DLG1: variants seen among roughly 807,000 people sequenced by gnomAD.
DLG1 encodes the protein discs large MAGUK scaffold protein 1.
A neutral mutation model predicts 123.4 loss-of-function variants in DLG1; 42 were observed. The observed-to-expected ratio is 0.34, with a 90% CI of 0.27 to 0.44. The LOEUF (loss-of-function observed/expected upper bound fraction) is 0.44. DLG1 is among the 20% of genes least tolerant of loss of function. The pLI is 1.00. For missense variants in DLG1, 942 were observed against 1,082.6 expected (o/e 0.87, Z 1.82); for synonymous variants, 317 against 356.2 (o/e 0.89, Z 1.24).
chr3:197,256,107 C>T (rs1433340412), intron 4 of DLG1, among the ~76,000 whole-genome samples: 1 of 152,152 alleles, frequency 6.6e-6, no homozygotes, highest in Non-Finnish European at 1.5e-5. Context: ...CTTTATTTGG[C>T]ATTCTATGTG....
chr3:197,197,737 G>A (rs1034135234), intron 4 of DLG1, among the ~76,000 whole-genome samples: 1 of 152,154 alleles, frequency 6.6e-6, no homozygotes, highest in Non-Finnish European at 1.5e-5. Flanking sequence ...CACACCTCCT[G>A]ATTTTGAAAC....
At chr3:197,243,749 T>C (rs1750176419) in intron 4 of DLG1, among the ~76,000 whole-genome samples, 1 of 152,208 alleles carries the variant, frequency 6.6e-6, no homozygotes, top group Non-Finnish European at 1.5e-5. Flanking sequence ...ATATAATTTA[T>C]CCAATCTACA....
chr3:197,095,840 G>A (rs976172579), intron 14 of DLG1, among the ~76,000 whole-genome samples: 1 of 152,114 alleles, frequency 6.6e-6, no homozygotes, highest in African/African-American at 2.4e-5. Context: ...TGAATGCTGA[G>A]ATTGCTCCTG....
chr3:197,066,883 T>C, intron 19 of DLG1, 129 bp from the exon 20 acceptor site: 1 of 545,532 alleles, frequency 1.8e-6, no homozygotes. Context: ...AAGAGGTACT[T>C]TATGGCAAGA....
chr3:197,098,643 T>C (rs1234294080), intron 14 of DLG1, among the ~76,000 whole-genome samples: 1 of 152,138 alleles, frequency 6.6e-6, no homozygotes, highest in Non-Finnish European at 1.5e-5. Context: ...CAAGTGATTC[T>C]TGTGCCTCAG....
At chr3:197,156,656 T>C (rs1277799848) in intron 5 of DLG1, among the ~76,000 whole-genome samples, 5 of 152,124 alleles carry the variant, frequency 3.3e-5, no homozygotes, top group African/African-American at 1.2e-4. Flanking sequence ...GGAGTGGCTG[T>C]ACTCATAACA....
intron 3 of DLG1, chr3:197,293,738 C>G (rs1776042935): frequency 6.5e-6 from 1 of 153,900 alleles, no homozygotes; most frequent in South Asian, 2.0e-4. Context: ...GCACCCCAAA[C>G]AGATAACTAG....
chr3:197,175,499 T>C (rs138136113), intron 5 of DLG1, among the ~76,000 whole-genome samples: 2,158 of 152,314 alleles, frequency 0.014, 42 homozygotes, highest in Admixed American at 0.041. Flanking sequence ...TCTGGTAACA[T>C]AGACTTGCTA....
chr3:197,241,072 C>T (rs1395701280), intron 4 of DLG1, among the ~76,000 whole-genome samples: 2 of 151,490 alleles, frequency 1.3e-5, no homozygotes, highest in South Asian at 4.2e-4. Flanking sequence ...CACATTTGAC[C>T]CAAATAAGAT....
intron 4 of DLG1, among the ~76,000 whole-genome samples, chr3:197,205,870 CA>C: frequency 6.6e-6 from 1 of 152,280 alleles, no homozygotes. Flanking sequence ...CATTGCTTGG[CA>C]GGGGGCCCAC....
intron 4 of DLG1, among the ~76,000 whole-genome samples, chr3:197,271,297 C>A: frequency 6.6e-6 from 1 of 152,208 alleles, no homozygotes; most frequent in African/African-American, 2.4e-5. Flanking sequence ...TAGATAAATT[C>A]TTTCTCTTTC....
intron 4 of DLG1, among the ~76,000 whole-genome samples, chr3:197,198,758 TA>T (rs1268246644): frequency 6.6e-6 from 1 of 151,614 alleles, no homozygotes; most frequent in Non-Finnish European, 1.5e-5. Context: ...AGGACCATAA[TA>T]AAAAAAAGAC....
At chr3:197,252,580 T>C (rs1416915166) in intron 4 of DLG1, among the ~76,000 whole-genome samples, 3 of 151,864 alleles carry the variant, frequency 2.0e-5, no homozygotes, top group Non-Finnish European at 2.9e-5. Context: ...GAATGAGGAG[T>C]TATTGTCTGA....
chr3:197,097,781 C>T (rs529451326), intron 14 of DLG1, among the ~76,000 whole-genome samples: 2 of 151,814 alleles, frequency 1.3e-5, no homozygotes, highest in East Asian at 1.9e-4. Flanking sequence ...GGGGTTTCAC[C>T]GTGTTGACCA....
At chr3:197,197,329 C>T (rs1723061907) in intron 4 of DLG1, among the ~76,000 whole-genome samples, 2 of 152,204 alleles carry the variant, frequency 1.3e-5, no homozygotes, top group South Asian at 4.1e-4. Flanking sequence ...GTTAGCAGCT[C>T]TTGATATTCA....
chr3:197,119,369 A>G, intron 12 of DLG1, 41 bp downstream of exon 12: 1 of 1,510,298 alleles, frequency 6.6e-7, no homozygotes, highest in South Asian at 1.3e-5. Flanking sequence ...TCAATTTAAT[A>G]GTTGATTTTA....
At position 197,138,220 on chromosome 3, in the gene DLG1, A is replaced by G; in HGVS notation, c.883+2T>C. The stretch of plus-strand genomic sequence containing the variant: ...TTTATCTTAGTTTGACTTACCACAT[A>G]CCTTTAGGACCTTTAATGAGCTTTA... On this transcript the variant is annotated splice_donor_variant, in intron 9 of 24. Transcript: ENST00000667157. LOFTEE classifies it high-confidence loss of function. 1 of 1,513,596 alleles carries G rather than the reference A, an allele frequency of 6.6e-7. No homozygotes were observed. Among genetic ancestry groups the G allele is most frequent in the Non-Finnish European group, 8.9e-7 (1 of 1,121,130 alleles). The allele number at this position is 1,513,596 out of a possible 1,614,324, so 93.8% of individuals were successfully genotyped here. A position where few individuals can be genotyped will look rare whatever the true frequency, so the allele number is the denominator to read the frequency against.
At chr3:197,083,362 T>C (rs192069554) in intron 16 of DLG1, among the ~76,000 whole-genome samples, 1 of 152,348 alleles carries the variant, frequency 6.6e-6, no homozygotes, top group African/African-American at 2.4e-5. Context: ...TAACTAGTTA[T>C]AATAAACATT....
At chr3:197,230,718 C>T (rs1180288937) in intron 4 of DLG1, among the ~76,000 whole-genome samples, 1 of 152,096 alleles carries the variant, frequency 6.6e-6, no homozygotes, top group African/African-American at 2.4e-5. Flanking sequence ...GAGTTTCATA[C>T]CAAAGATAGT....
Sources: gnomAD v4.1 joint callset for allele counts (sites outside exome capture counted in the v4.1 genomes callset) on GRCh38, gnomAD v4.1.1 for gene constraint, MANE v1.5 for transcripts, NCBI Gene and HGNC (gene_info 2026-07-23, HGNC 2026-07-21) for gene names.